The following CTCF variants were observed in gnomAD, a reference collection of about 807,000 sequenced individuals.
CTCF encodes the protein CCCTC-binding factor, also known as transcriptional repressor CTCF.
CTCF carries 7 observed loss-of-function variants against 72.3 expected under a neutral mutation model. The observed-to-expected ratio is 0.10, with a 90% CI of 0.06 to 0.18. The LOEUF (loss-of-function observed/expected upper bound fraction) is 0.18. Among genes scored for constraint, CTCF ranks in the 10% least tolerant of loss-of-function variants. CTCF has a pLI of 1.00. For missense variants in CTCF, 516 were observed against 949.1 expected (o/e 0.54, Z 6.00); for synonymous variants, 374 against 315.8 (o/e 1.18, Z -1.95).
At position 67,626,727 on chromosome 16, in the gene CTCF, C is replaced by A; in HGVS notation, c.1518+12C>A. 1 of 1,396,740 alleles carries A rather than the reference C, an allele frequency of 7.2e-7. No individual in the cohort carries two copies. 86.5% of individuals were successfully genotyped at this position (1,396,740 alleles called of 1,614,324 possible). A position where few individuals can be genotyped will look rare whatever the true frequency, so the allele number is the denominator to read the frequency against. ...ACGCTTGTAGACAGGTAGGAACCTT[C>A]ATTGAAAGTTGTTGGTGCTTTCTCG... On this transcript the variant is annotated intron_variant, in intron 8 of 11. Coordinates refer to ENST00000264010, the MANE Select transcript of CTCF (RefSeq NM_006565.4).
chr16:67,609,838 A>G (rs2052034947), intron 2 of CTCF, among the ~76,000 whole-genome samples: 2 of 151,806 alleles, frequency 1.3e-5, no homozygotes, highest in South Asian at 4.2e-4. Context: ...GTTAGCCAGG[A>G]TGGTCTCGAT....
At chr16:67,576,963 T>C (rs2051506288) in intron 2 of CTCF, among the ~76,000 whole-genome samples, 1 of 152,228 alleles carries the variant, frequency 6.6e-6, no homozygotes, top group Non-Finnish European at 1.5e-5. Context: ...AGTATATGTA[T>C]ATATTGGGGA....
chr16:67,568,544 A>G (rs971436559), intron 1 of CTCF: 3 of 151,598 alleles, frequency 2.0e-5, no homozygotes, highest in Non-Finnish European at 2.9e-5. Flanking sequence ...GCATACCACC[A>G]TGCCCAGCTA....
At chr16:67,637,471 G>T (rs982532853) in intron 11 of CTCF, among the ~76,000 whole-genome samples, 1 of 152,186 alleles carries the variant, frequency 6.6e-6, no homozygotes, top group Non-Finnish European at 1.5e-5. Flanking sequence ...GGCAGAGGTT[G>T]CAGTGAGCTG....
rs185045573 is a variant in CTCF, at chr16:67,621,548, C to T, written c.1314C>T (p.His438=). Residue 438 remains histidine (H), a synonymous_variant, in exon 7 of 12, where the codon CAC becomes CAT. Coordinates refer to ENST00000264010, the MANE Select transcript of CTCF (RefSeq NM_006565.4). ...ACACAGAAAATGTGGCCAAATTTCA[C>T]TGTCCCCACTGTGACACAGTCATAG... is the stretch of plus-strand genomic sequence containing the variant. ...QKHTENVAKF[H]CPHCDTVIAR... 1.1e-4 allele frequency: 185 copies of T among 1,613,092 alleles called. No individual in the cohort carries two copies. Among genetic ancestry groups the T allele is most frequent in the Admixed American group, 1.7e-4 (10 of 60,012 alleles).
At chr16:67,606,393 C>T (rs150449537) in intron 2 of CTCF, among the ~76,000 whole-genome samples, 13 of 152,294 alleles carry the variant, frequency 8.5e-5, no homozygotes, top group Non-Finnish European at 1.8e-4. Flanking sequence ...TATCTTTCTC[C>T]AAACCTATGT....
At chr16:67,580,577 T>A (rs1308702334) in intron 2 of CTCF, among the ~76,000 whole-genome samples, 5 of 151,714 alleles carry the variant, frequency 3.3e-5, no homozygotes, top group Non-Finnish European at 5.9e-5. Context: ...TTTATTATTT[T>A]TGAGACGAAG....
chr16:67,577,501 G>A (rs968826761), intron 2 of CTCF, among the ~76,000 whole-genome samples: 1 of 150,148 alleles, frequency 6.7e-6, no homozygotes, highest in Non-Finnish European at 1.5e-5. Flanking sequence ...GCAGTGGTGC[G>A]ATATTGGCTC....
chr16:67,603,621 A>C (rs1407627483), intron 2 of CTCF, among the ~76,000 whole-genome samples: 6 of 151,594 alleles, frequency 4.0e-5, no homozygotes, highest in Non-Finnish European at 8.8e-5. Flanking sequence ...TCAGGAGATA[A>C]GAGACCATCC....
chr16:67,586,682 T>C (rs2051673502), intron 2 of CTCF, among the ~76,000 whole-genome samples: 1 of 152,238 alleles, frequency 6.6e-6, no homozygotes, highest in Admixed American at 6.5e-5. Context: ...TTGTTTCTTT[T>C]GTTGTTTAAA....
At chr16:67,614,374 T>C (rs992167293) in intron 4 of CTCF, 8 of 150,136 alleles carry the variant, frequency 5.3e-5, no homozygotes, top group Non-Finnish European at 1.2e-4. Flanking sequence ...AAAAAGATGT[T>C]GTAGCAATTG....
intron 2 of CTCF, among the ~76,000 whole-genome samples, chr16:67,602,631 C>T (rs1384242388): frequency 6.6e-6 from 1 of 151,928 alleles, no homozygotes; most frequent in African/African-American, 2.4e-5. Context: ...TACCTGAGGT[C>T]AGGAGTTCAA....
chr16:67,603,883 A>C (rs1454357142), intron 2 of CTCF, among the ~76,000 whole-genome samples: 1 of 151,116 alleles, frequency 6.6e-6, no homozygotes, highest in Non-Finnish European at 1.5e-5. Flanking sequence ...AATCCTAGCA[A>C]TTTGGGAGGC....
intron 7 of CTCF, among the ~76,000 whole-genome samples, chr16:67,625,943 A>G (rs908088575): frequency 5.9e-5 from 9 of 151,634 alleles, no homozygotes; most frequent in African/African-American, 2.2e-4. Context: ...TTCACTCTCT[A>G]CAGTCACTAA....
intron 2 of CTCF, among the ~76,000 whole-genome samples, chr16:67,579,356 T>G (rs1175771851): frequency 6.6e-6 from 1 of 152,010 alleles, no homozygotes; most frequent in Non-Finnish European, 1.5e-5. Context: ...TTTGTTTTTT[T>G]TTGTTTTTTT....
At chr16:67,609,577 C>T (rs552659646) in intron 2 of CTCF, among the ~76,000 whole-genome samples, 12 of 151,194 alleles carry the variant, frequency 7.9e-5, no homozygotes, top group Admixed American at 3.3e-4. Context: ...TTATCTGTAT[C>T]AGAGTTTCTC....
chr16:67,611,360 G>A lies in CTCF; in HGVS notation c.528G>A (p.Glu176=), dbSNP rs767120755. The change falls in exon 3 of 12, where the codon GAG becomes GAA. Residue 176 remains glutamate, a synonymous_variant. Transcript: ENST00000264010. ...AAGTGGGGGCCAATGGAGAGGTGGAGACACTAGAACAAGGGGAACTTCCAC... is the reference window on the plus strand; with the variant it reads ...AAGTGGGGGCCAATGGAGAGGTGGAAACACTAGAACAAGGGGAACTTCCAC... The part of the protein sequence containing the change: ...VVKVGANGEV[E]TLEQGELPPQ... 5.6e-6 allele frequency: 9 copies of A among 1,614,148 alleles called. No homozygotes were observed. Among genetic ancestry groups the A allele is most frequent in the Admixed American group, 1.7e-5 (1 of 60,016 alleles).
chr16:67,580,652 C>G (rs1041934440), intron 2 of CTCF, among the ~76,000 whole-genome samples: 32 of 152,040 alleles, frequency 2.1e-4, no homozygotes, highest in Non-Finnish European at 4.1e-4. Flanking sequence ...GCCTCTGCTT[C>G]CCGGGTTCAA....
intron 2 of CTCF, among the ~76,000 whole-genome samples, chr16:67,581,628 G>C (rs1039285447): frequency 6.6e-6 from 1 of 151,898 alleles, no homozygotes; most frequent in Non-Finnish European, 1.5e-5. Flanking sequence ...GTTAGCCTCC[G>C]GAGTAGATGG....
Sources: gnomAD v4.1 joint callset for allele counts (sites outside exome capture counted in the v4.1 genomes callset) on GRCh38, gnomAD v4.1.1 for gene constraint, MANE v1.5 for transcripts, NCBI Gene and HGNC (gene_info 2026-07-23, HGNC 2026-07-21) for gene names.